ABCB11: variants seen among roughly 807,000 people sequenced by gnomAD.
ABCB11 encodes the protein bile salt export pump.
In ABCB11, 95 loss-of-function variants were observed where a neutral mutation model predicts 148.0. The observed-to-expected ratio is 0.64, with a 90% confidence interval of 0.54 to 0.76. The LOEUF is 0.76. ABCB11 is among the 30% of genes least tolerant of loss of function. ABCB11 has a pLI of 0.00. For synonymous variants in ABCB11, 591 were observed against 555.4 expected (o/e 1.06, Z -0.90); for missense variants, 1,523 against 1,617.8 (o/e 0.94, Z 1.01).
Position 168,990,918 on chromosome 2 carries a change from G to A in ABCB11, c.791C>T (p.Ser264Phe). The A allele has an allele frequency of 6.2e-7, 1 of 1,611,984 alleles. No homozygotes were observed. The highest frequency in any genetic ancestry group is 8.5e-7 in the Non-Finnish European group (1 of 1,179,000). Residue 264 changes from serine to phenylalanine, a missense_variant, in exon 9 of 28, where the codon TCC (serine) becomes TTC (phenylalanine). Transcript: ENST00000650372. ...CTTCAGCTCATAGTCCGTAAACTTG[G>A]ACACACTCTAAAAATCAAAAAGAAG... Reference protein sequence around the residue: ...IGAATIGLSVSKFTDYELKAY... With the variant: ...IGAATIGLSVFKFTDYELKAY...
chr2:168,919,828 T>C (rs1158942189), downstream of ABCB11, among the ~76,000 whole-genome samples: 2 of 152,086 alleles, frequency 1.3e-5, no homozygotes, highest in East Asian at 3.9e-4. Context: ...TATGTCATTA[T>C]AGTTCTTTTG....
At chr2:168,968,778 C>A (rs1693432258) in intron 16 of ABCB11, among the ~76,000 whole-genome samples, 2 of 120,100 alleles carry the variant, frequency 1.7e-5, no homozygotes. Flanking sequence ...AAGAGAAGTC[C>A]ATCAGAAGTA....
Position 168,973,854 on chromosome 2 carries a change from A to G in ABCB11, c.1309-14T>C, listed in dbSNP as rs774912498. The G allele has an allele frequency of 2.5e-6, 4 of 1,609,644 alleles. No individual in the cohort carries two copies. The African/African-American group carries it at 5.4e-5, about 22-fold the overall frequency. On this transcript the variant is annotated splice_polypyrimidine_tract_variant and intron_variant, in intron 12 of 27. Coordinates refer to ENST00000650372, the MANE Select transcript of ABCB11 (RefSeq NM_003742.4). ...GTCATTTAGAATCTGGAGAAGAAAG[A>G]AAACAGCAAAGTTCAGATTGTCACT...
At chr2:168,928,543 T>C (rs1054271941) in intron 25 of ABCB11, among the ~76,000 whole-genome samples, 1 of 152,216 alleles carries the variant, frequency 6.6e-6, no homozygotes, top group African/African-American at 2.4e-5. Context: ...TAACAAAATA[T>C]ACTGTGCCTA....
chr2:169,018,987 T>G (rs1206696217), intron 1 of ABCB11, among the ~76,000 whole-genome samples: 1 of 151,990 alleles, frequency 6.6e-6, no homozygotes, highest in Non-Finnish European at 1.5e-5. Flanking sequence ...TGTGAGAGTT[T>G]AGCTGGCGAG....
At chr2:168,989,686 C>G (rs1694446415) in intron 9 of ABCB11, among the ~76,000 whole-genome samples, 1 of 152,006 alleles carries the variant, frequency 6.6e-6, no homozygotes, top group Admixed American at 6.6e-5. Context: ...TGTCTTGTTC[C>G]TGATCTTAGG....
At chr2:168,994,550 G>A (rs1007926612) in intron 7 of ABCB11, among the ~76,000 whole-genome samples, 1 of 152,038 alleles carries the variant, frequency 6.6e-6, no homozygotes, top group Non-Finnish European at 1.5e-5. Flanking sequence ...GATTAAAGTA[G>A]CGAATATATG....
At chr2:168,986,996 T>C (rs1429325936) in intron 9 of ABCB11, among the ~76,000 whole-genome samples, 2 of 152,176 alleles carry the variant, frequency 1.3e-5, no homozygotes, top group African/African-American at 2.4e-5. Flanking sequence ...GTCTATCCTA[T>C]GTTTGTTACC....
rs763478813 is a variant in ABCB11 at position 168,944,903 on chromosome 2, A to C, written c.2402T>G (p.Leu801Arg). The change falls in exon 20 of 28, where the codon CTT becomes CGT. Residue 801 changes from leucine to arginine, a missense_variant. By Grantham distance (102) the Leu-to-Arg change is moderately radical (BLOSUM62 -2). Transcript: ENST00000650372. ...AGATACACAGCCCATTGCTACAAAAAGTAGGCACACACCATTGATCTGTGA... is the reference window on the plus strand; with the variant it reads ...AGATACACAGCCCATTGCTACAAAACGTAGGCACACACCATTGATCTGTGA... ...QRSQINGVCL[L>R]FVAMGCVSLF... The C allele has an allele frequency of 1.5e-5, 24 of 1,577,462 alleles. No homozygotes were observed. Among genetic ancestry groups the C allele is most frequent in the Non-Finnish European group, 4.3e-6 (5 of 1,159,708 alleles).
chr2:168,954,259 G>A (rs571810128), intron 19 of ABCB11, among the ~76,000 whole-genome samples: 1 of 147,860 alleles, frequency 6.8e-6, no homozygotes, highest in East Asian at 2.0e-4. Context: ...ATGAAATTCT[G>A]TTATGCCATT....
intron 9 of ABCB11, 121 bp downstream of exon 9, chr2:168,990,680 C>A: frequency 7.9e-7 from 1 of 1,258,150 alleles, no homozygotes. Flanking sequence ...CCCTCTTGAA[C>A]AAGTACTTCC....
intron 6 of ABCB11, among the ~76,000 whole-genome samples, chr2:168,996,296 C>T (rs1384150184): frequency 1.3e-5 from 2 of 151,948 alleles, no homozygotes; most frequent in African/African-American, 4.8e-5. Context: ...CCTCTATCTC[C>T]CCCTGCCCCA....
chr2:168,968,640 G>C lies in ABCB11; in HGVS notation c.2012-150C>G, dbSNP rs538856162. The C allele has an allele frequency of 2.4e-5, 16 of 666,054 alleles. No homozygotes were observed. In the South Asian group the frequency reaches 4.0e-4, roughly 17 times the overall value. The allele number at this position is 666,054 out of a possible 1,614,324, so 41.3% of individuals were successfully genotyped here. ...CTTTATTGCAATAAATAAAACTCGG[G>C]ACTTGTCCTGCAGATTCTAATAAAA... On this transcript the variant is annotated intron_variant, in intron 16 of 27. Transcript: ENST00000650372.
At chr2:168,976,978 T>C (rs1428617163) in intron 11 of ABCB11, among the ~76,000 whole-genome samples, 1 of 149,938 alleles carries the variant, frequency 6.7e-6, no homozygotes, top group African/African-American at 2.4e-5. Flanking sequence ...GAATAATCAC[T>C]ACTTCTTGAG....
intron 5 of ABCB11, among the ~76,000 whole-genome samples, chr2:169,002,190 G>A (rs1041777688): frequency 3.3e-5 from 5 of 152,040 alleles, no homozygotes; most frequent in Non-Finnish European, 5.9e-5. Context: ...AAGATAAAAG[G>A]GTCAATCCAT....
chr2:168,958,880 T>C (rs536141551), intron 18 of ABCB11, among the ~76,000 whole-genome samples: 1 of 151,850 alleles, frequency 6.6e-6, no homozygotes, highest in East Asian at 2.0e-4. Flanking sequence ...TTAAGCGTAA[T>C]TAATTCATTA....
At chr2:168,991,212 T>TATACTA (rs1694510459) in intron 8 of ABCB11, among the ~76,000 whole-genome samples, 1 of 152,188 alleles carries the variant, frequency 6.6e-6, no homozygotes, top group South Asian at 2.1e-4. Context: ...TTTCAGTCAT[T>TATACTA]ATACTAATAA....
At chr2:168,954,592 T>G (rs1422147428) in intron 19 of ABCB11, among the ~76,000 whole-genome samples, 1 of 151,616 alleles carries the variant, frequency 6.6e-6, no homozygotes, top group Non-Finnish European at 1.5e-5. Context: ...AAAAGTCTGC[T>G]ATTAGTCTGA....
At chr2:168,951,261 T>C (rs1026116837) in intron 19 of ABCB11, among the ~76,000 whole-genome samples, 1 of 151,770 alleles carries the variant, frequency 6.6e-6, no homozygotes, top group Non-Finnish European at 1.5e-5. Context: ...ATGTGAATTT[T>C]AAAATTGTTT....
Sources: allele counts gnomAD v4.1 joint callset (sites outside exome capture counted in the v4.1 genomes callset), GRCh38; gene constraint gnomAD v4.1.1; transcripts MANE v1.5; gene names NCBI Gene and HGNC (gene_info 2026-07-23, HGNC 2026-07-21).